EEIG2: variants seen among roughly 807,000 people sequenced by gnomAD.
EEIG2 encodes the protein family with sequence similarity 102 member B.
At chr1:108,606,146 T>G in the EEIG2 span, 1 of 927,022 alleles carries the variant, frequency 1.1e-6, no homozygotes, top group South Asian at 2.0e-5. Context: ...TATGTCTGCT[T>G]CAGAATTATT....
At chr1:108,595,005 CACAT>C in the EEIG2 span, among the ~76,000 whole-genome samples, 1 of 152,088 alleles carries the variant, frequency 6.6e-6, no homozygotes, top group South Asian at 2.1e-4. Context: ...AAAAAAAATT[CACAT>C]ACAGAGTTCA....
chr1:108,619,811 G>A, the EEIG2 span, among the ~76,000 whole-genome samples: 1 of 152,190 alleles, frequency 6.6e-6, no homozygotes, highest in Non-Finnish European at 1.5e-5. Context: ...GATCCCTTAA[G>A]CCCAAGAAGC....
the EEIG2 span, chr1:108,627,245 A>T: frequency 1.3e-5 from 2 of 152,096 alleles, no homozygotes; most frequent in African/African-American, 4.8e-5. Context: ...GACCACTTAT[A>T]CTCTGTCCAG....
the EEIG2 span, among the ~76,000 whole-genome samples, chr1:108,613,535 C>T: frequency 6.6e-6 from 1 of 152,240 alleles, no homozygotes; most frequent in East Asian, 1.9e-4. Flanking sequence ...TTCCTAAGAG[C>T]CAACTCATGG....
At chr1:108,569,477 C>T in the EEIG2 span, among the ~76,000 whole-genome samples, 9 of 152,124 alleles carry the variant, frequency 5.9e-5, no homozygotes, top group African/African-American at 2.2e-4. Flanking sequence ...CAGGTGTGTG[C>T]CACATGAACA....
chr1:108,625,774 C>CTGTGTGTGTGTGTGTGTG, the EEIG2 span: 1 of 23,220 alleles, frequency 4.3e-5, no homozygotes, highest in African/African-American at 6.5e-5. Flanking sequence ...CTCTCTCTCT[C>CTGTGTGTGTGTGTGTGTG]TGTGTGTGTG....
At chr1:108,605,432 G>A in the EEIG2 span, among the ~76,000 whole-genome samples, 2 of 152,290 alleles carry the variant, frequency 1.3e-5, no homozygotes, top group South Asian at 4.1e-4. Flanking sequence ...TTCACTGCTT[G>A]AAAGATGGAA....
the EEIG2 span, among the ~76,000 whole-genome samples, chr1:108,630,278 A>T: frequency 6.6e-6 from 1 of 152,290 alleles, no homozygotes; most frequent in Middle Eastern, 3.4e-3. Flanking sequence ...TCTCCACCCC[A>T]CTGCCATACA....
chr1:108,604,171 G>C, the EEIG2 span, among the ~76,000 whole-genome samples: 2 of 152,220 alleles, frequency 1.3e-5, no homozygotes, highest in Non-Finnish European at 2.9e-5. Flanking sequence ...TGTGGCGTGG[G>C]AAACAGAGAG....
the EEIG2 span, chr1:108,624,802 C>A: frequency 7.0e-7 from 1 of 1,436,084 alleles, no homozygotes; most frequent in Non-Finnish European, 9.7e-7. Flanking sequence ...ACTTGATGCC[C>A]TAAAAATTCT....
chr1:108,634,956 A>C, the EEIG2 span: 2 of 652,544 alleles, frequency 3.1e-6, no homozygotes, highest in Non-Finnish European at 5.4e-6. Flanking sequence ...AATATTTCAC[A>C]TAGTTTCTAT....
At chr1:108,591,567 C>G in the EEIG2 span, among the ~76,000 whole-genome samples, 1 of 152,060 alleles carries the variant, frequency 6.6e-6, no homozygotes, top group Non-Finnish European at 1.5e-5. Context: ...GAGACTCTGC[C>G]AGAAACAAGG....
chr1:108,604,660 TACTGAGA>T, the EEIG2 span, among the ~76,000 whole-genome samples: 1 of 152,098 alleles, frequency 6.6e-6, no homozygotes, highest in Non-Finnish European at 1.5e-5. Context: ...TGTCACCTAC[TACTGAGA>T]TGTTGAATAA....
At chr1:108,619,070 A>G in the EEIG2 span, among the ~76,000 whole-genome samples, 2 of 152,236 alleles carry the variant, frequency 1.3e-5, no homozygotes, top group South Asian at 4.1e-4. Context: ...AAGAAAATAA[A>G]TTGATCGTTC....
At chr1:108,580,409 G>A in the EEIG2 span, among the ~76,000 whole-genome samples, 1 of 152,140 alleles carries the variant, frequency 6.6e-6, no homozygotes, top group Admixed American at 6.6e-5. Flanking sequence ...GAAAGGAAGA[G>A]TTGCACTTCT....
chr1:108,586,287 T>C, the EEIG2 span, among the ~76,000 whole-genome samples: 2 of 151,738 alleles, frequency 1.3e-5, no homozygotes, highest in Non-Finnish European at 2.9e-5. Flanking sequence ...TCTTGAATTA[T>C]ATAACACTTG....
At chr1:108,566,110 A>G in the EEIG2 span, among the ~76,000 whole-genome samples, 2 of 152,202 alleles carry the variant, frequency 1.3e-5, no homozygotes, top group Non-Finnish European at 2.9e-5. Flanking sequence ...ATCTTTTCAT[A>G]TCATTAAATA....
the EEIG2 span, chr1:108,560,201 C>T: frequency 1.3e-5 from 2 of 150,988 alleles, no homozygotes; most frequent in African/African-American, 4.9e-5. Flanking sequence ...CGACCGCTCC[C>T]CGCGGGCGGT....
At chr1:108,574,404 G>T in the EEIG2 span, among the ~76,000 whole-genome samples, 1 of 152,178 alleles carries the variant, frequency 6.6e-6, no homozygotes, top group African/African-American at 2.4e-5. Context: ...TTTTGGTTTT[G>T]TGAGATAAAA....
Sources: allele counts gnomAD v4.1 joint callset (sites outside exome capture counted in the v4.1 genomes callset), GRCh38; gene constraint gnomAD v4.1.1; transcripts MANE v1.5; gene names NCBI Gene and HGNC (gene_info 2026-07-23, HGNC 2026-07-21).